TANK: variants seen among roughly 807,000 people sequenced by gnomAD.
TANK encodes TRAF family member-associated NF-kappa-B activator.
A neutral mutation model predicts 43.6 loss-of-function variants in TANK; 15 were observed. That is an observed-to-expected ratio of 0.34 (90% CI 0.23 to 0.53). The LOEUF (loss-of-function observed/expected upper bound fraction) is 0.53. Among genes scored for constraint, TANK ranks in the 20% least tolerant of loss-of-function variants. The pLI, the probability that TANK is intolerant of heterozygous loss-of-function variation, is 0.94. For synonymous variants in TANK, 162 were observed against 178.2 expected (o/e 0.91, Z 0.73); for missense variants, 417 against 498.6 (o/e 0.84, Z 1.56).
At chr2:161,186,593 A>G (rs897246007) in intron 2 of TANK, among the ~76,000 whole-genome samples, 1 of 152,232 alleles carries the variant, frequency 6.6e-6, no homozygotes, top group African/African-American at 2.4e-5. Flanking sequence ...AACTACTAGA[A>G]GAAAACATTG....
rs1029830124 is a variant in TANK, at chr2:161,235,972, T to C, written c.*454T>C. On this transcript the variant is annotated 3_prime_UTR_variant, in exon 8 of 8. Coordinates refer to ENST00000392749, the MANE Select transcript of TANK (RefSeq NM_001199135.3). ...TTAATTATTTATGCTATAGGTGATA[T>C]TCTCTTTGAATAAACCTATAATAGA... 1.3e-5 allele frequency: 2 copies of C among 152,348 alleles called. No individual in the cohort carries two copies. Among genetic ancestry groups the C allele is most frequent in the African/African-American group, 4.8e-5 (2 of 41,468 alleles). The allele number at this position is 152,348 out of a possible 1,614,324, so 9.4% of individuals were successfully genotyped here.
chr2:161,202,276 G>A (rs534268054), intron 2 of TANK, among the ~76,000 whole-genome samples: 5 of 136,346 alleles, frequency 3.7e-5, no homozygotes, highest in South Asian at 2.5e-4. Context: ...TGCAAGCTCC[G>A]CCTCCCGGGT....
chr2:161,182,231 A>C (rs1482331607), intron 2 of TANK, among the ~76,000 whole-genome samples: 2 of 152,152 alleles, frequency 1.3e-5, no homozygotes, highest in Non-Finnish European at 2.9e-5. Context: ...CATATTAAGC[A>C]GTGGACACCA....
At chr2:161,204,990 G>A (rs192748961) in intron 4 of TANK, 197 bp downstream of exon 4, 23 of 1,336,428 alleles carry the variant, frequency 1.7e-5, no homozygotes, top group Middle Eastern at 5.7e-4. Context: ...CCTACTGACC[G>A]TTTTTCTACA....
At chr2:161,208,535 AG>A (rs1306840043) in intron 4 of TANK, among the ~76,000 whole-genome samples, 1 of 152,138 alleles carries the variant, frequency 6.6e-6, no homozygotes, top group Non-Finnish European at 1.5e-5. Flanking sequence ...CCCAAAACTT[AG>A]GGCTTAGAAC....
In TANK at chr2:161,163,630, C is replaced by T. The variant is rs146910113; in HGVS notation, c.-50+3144C>T. 15 of 152,270 alleles carry T rather than the reference C, an allele frequency of 9.9e-5. No individual in the cohort carries two copies. In the East Asian group the frequency reaches 2.9e-3, roughly 29 times the overall value. The allele number at this position is 152,270 out of a possible 1,614,324, so 9.4% of individuals were successfully genotyped here. A position where few individuals can be genotyped will look rare whatever the true frequency, so the allele number is the denominator to read the frequency against. ...TTTCACTTTATTGTCACTAGCTTCCCAATTTTGCCGGGAAATTTCTTAATT... is the reference window on the plus strand; with the variant it reads ...TTTCACTTTATTGTCACTAGCTTCCTAATTTTGCCGGGAAATTTCTTAATT... On this transcript the variant is annotated intron_variant, in intron 1 of 7. Transcript: ENST00000392749.
At chr2:161,216,063 T>TC (rs1268263251) in intron 4 of TANK, among the ~76,000 whole-genome samples, 1 of 152,190 alleles carries the variant, frequency 6.6e-6, no homozygotes, top group East Asian at 1.9e-4. Context: ...ATTGTCTCTT[T>TC]CCTGTTATGT....
intron 2 of TANK, among the ~76,000 whole-genome samples, chr2:161,189,695 G>A (rs1685825793): frequency 6.6e-6 from 1 of 152,032 alleles, no homozygotes; most frequent in Admixed American, 6.6e-5. Context: ...AACAAATTCA[G>A]TAAAGTTACA....
intron 4 of TANK, among the ~76,000 whole-genome samples, chr2:161,207,103 A>G (rs966617005): frequency 1.3e-5 from 2 of 152,106 alleles, no homozygotes; most frequent in Middle Eastern, 3.2e-3. Context: ...CAGACCTTCA[A>G]TGGAAATCTT....
At chr2:161,167,449 A>T (rs995328064) in intron 1 of TANK, among the ~76,000 whole-genome samples, 4 of 152,164 alleles carry the variant, frequency 2.6e-5, no homozygotes, top group African/African-American at 7.2e-5. Flanking sequence ...GCTGCCAAAG[A>T]CAACAGACTT....
chr2:161,220,901 G>T (rs1164570344), intron 4 of TANK, among the ~76,000 whole-genome samples: 1 of 152,098 alleles, frequency 6.6e-6, no homozygotes, highest in African/African-American at 2.4e-5. Flanking sequence ...TTGGACTAAT[G>T]AAATATTAAC....
chr2:161,194,008 A>G (rs1419707845), intron 2 of TANK, among the ~76,000 whole-genome samples: 2 of 152,210 alleles, frequency 1.3e-5, no homozygotes, highest in Non-Finnish European at 2.9e-5. Flanking sequence ...ATGGAATTAA[A>G]TATTTAATCA....
chr2:161,164,143 G>A (rs1684566960), intron 1 of TANK, among the ~76,000 whole-genome samples: 2 of 152,278 alleles, frequency 1.3e-5, no homozygotes, highest in African/African-American at 4.8e-5. Flanking sequence ...AAAGAAGACT[G>A]CATGTTTTTT....
At chr2:161,195,107 C>G (rs1318380683) in intron 2 of TANK, among the ~76,000 whole-genome samples, 1 of 152,088 alleles carries the variant, frequency 6.6e-6, no homozygotes, top group African/African-American at 2.4e-5. Flanking sequence ...CGTGTTAAAA[C>G]TTTTAGTCAG....
rs549967803 is a variant in TANK, at chr2:161,147,679, G to A, written c.-50+10616G>A. ...CTGATGACAGAACCTGGATACCTCC[G>A]TTGCCAGTGAAGGATTTGCGTGCTG... On this transcript the variant is annotated intron_variant, in intron 1 of 7. Transcript: ENST00000259075. Among the ~76,000 whole-genome samples the A allele has an allele frequency of 1.8e-4, 27 of 149,332 alleles. No homozygotes were observed. The South Asian group carries it at 3.7e-3, about 21-fold the overall frequency.
At chr2:161,224,894 G>C in intron 6 of TANK, 148 bp downstream of exon 6, 1 of 513,126 alleles carries the variant, frequency 1.9e-6, no homozygotes, top group Non-Finnish European at 3.5e-6. Flanking sequence ...TGTACATGCT[G>C]TGTAAGTTCT....
At chr2:161,146,793 C>A (rs1015080819) in intron 1 of TANK, among the ~76,000 whole-genome samples, 1 of 152,144 alleles carries the variant, frequency 6.6e-6, no homozygotes, top group African/African-American at 2.4e-5. Context: ...GAGGGTCTCA[C>A]CCAGTTGGGT....
intron 4 of TANK, chr2:161,207,739 T>C (rs1268523242): frequency 4.1e-6 from 4 of 985,272 alleles, no homozygotes; most frequent in Non-Finnish European, 4.8e-6. Flanking sequence ...AGGTGAAACC[T>C]TTCCTAAAGA....
At chr2:161,162,606 T>A (rs1351660107) in intron 1 of TANK, 1 of 152,080 alleles carries the variant, frequency 6.6e-6, no homozygotes, top group Non-Finnish European at 1.5e-5. Flanking sequence ...GTTTCTTAGT[T>A]TGGGGATGTT....
Sources: gnomAD v4.1 joint callset for allele counts (sites outside exome capture counted in the v4.1 genomes callset) on GRCh38, gnomAD v4.1.1 for gene constraint, MANE v1.5 for transcripts, NCBI Gene and HGNC (gene_info 2026-07-23, HGNC 2026-07-21) for gene names.